Variants in MAGI2 observed in about 807,000 individuals in gnomAD.
MAGI2 encodes membrane-associated guanylate kinase, WW and PDZ domain-containing protein 2.
A neutral mutation model predicts 133.3 loss-of-function variants in MAGI2; 35 were observed. The ratio of observed to expected loss-of-function variants is 0.26; its 90% CI spans 0.20 to 0.35. The LOEUF (loss-of-function observed/expected upper bound fraction) is 0.35, where lower values mean the gene tolerates loss of function less well. Among genes scored for constraint, MAGI2 ranks in the 10% least tolerant of loss-of-function variants. MAGI2 has a pLI of 1.00. For missense variants in MAGI2, 1,636 were observed against 1,863.4 expected (o/e 0.88, Z 2.25); for synonymous variants, 729 against 710.6 (o/e 1.03, Z -0.41).
intron 2 of MAGI2, among the ~76,000 whole-genome samples, chr7:78,765,846 C>A (rs991947631): frequency 5.3e-5 from 8 of 151,762 alleles, no homozygotes; most frequent in Non-Finnish European, 1.0e-4. Context: ...GAAGAAAAAG[C>A]ATGAGAAGCC....
At chr7:78,152,619 A>G (rs984638787) in intron 16 of MAGI2, among the ~76,000 whole-genome samples, 1 of 152,252 alleles carries the variant, frequency 6.6e-6, no homozygotes, top group Non-Finnish European at 1.5e-5. Flanking sequence ...TTATATCAGC[A>G]TAGATGATGA....
intron 1 of MAGI2, among the ~76,000 whole-genome samples, chr7:79,304,856 C>T (rs1043787671): frequency 9.9e-5 from 15 of 152,152 alleles, no homozygotes; most frequent in South Asian, 2.1e-4. Context: ...TAGTCACACT[C>T]CTGTACACCT....
chr7:79,245,130 G>A (rs1832728271), intron 1 of MAGI2, among the ~76,000 whole-genome samples: 1 of 152,152 alleles, frequency 6.6e-6, no homozygotes, highest in Non-Finnish European at 1.5e-5. Context: ...TAATACCCAG[G>A]CAGTACTCAC....
chr7:78,129,731 G>A (rs556283295), intron 18 of MAGI2, among the ~76,000 whole-genome samples: 1 of 152,054 alleles, frequency 6.6e-6, no homozygotes, highest in South Asian at 2.1e-4. Context: ...GATCACCTGA[G>A]GTCGGGAGTT....
At chr7:78,980,715 A>C (rs1339177729) in intron 2 of MAGI2, among the ~76,000 whole-genome samples, 1 of 151,842 alleles carries the variant, frequency 6.6e-6, no homozygotes, top group Non-Finnish European at 1.5e-5. Flanking sequence ...GTATCCTCAC[A>C]TATCTTGCAA....
intron 9 of MAGI2, among the ~76,000 whole-genome samples, chr7:78,319,410 A>G (rs1373362863): frequency 1.3e-5 from 2 of 152,246 alleles, no homozygotes; most frequent in African/African-American, 4.8e-5. Flanking sequence ...GTGCAAAAGA[A>G]CAGAAATCAT....
intron 9 of MAGI2, among the ~76,000 whole-genome samples, chr7:78,313,620 C>T (rs1445380899): frequency 7.0e-6 from 1 of 142,932 alleles, no homozygotes; most frequent in Non-Finnish European, 1.5e-5. Context: ...AGGTACTTTG[C>T]TATTGGTACA....
At chr7:79,363,673 G>T (rs1842506534) in intron 1 of MAGI2, among the ~76,000 whole-genome samples, 1 of 144,048 alleles carries the variant, frequency 6.9e-6, no homozygotes, top group Non-Finnish European at 1.5e-5. Flanking sequence ...GACTCCAAAA[G>T]TACTGGCACA....
chr7:78,362,708 C>T (rs2151241034), intron 7 of MAGI2, among the ~76,000 whole-genome samples: 1 of 152,326 alleles, frequency 6.6e-6, no homozygotes, highest in South Asian at 2.1e-4. Flanking sequence ...AGGTAGGACA[C>T]TCAATATTTG....
chr7:78,821,266 A>G (rs932536715), intron 2 of MAGI2, among the ~76,000 whole-genome samples: 4 of 152,182 alleles, frequency 2.6e-5, no homozygotes, highest in African/African-American at 9.6e-5. Context: ...CATGCCTACT[A>G]TGTGCCAGGC....
chr7:79,200,673 A>G (rs1202502712), intron 1 of MAGI2, among the ~76,000 whole-genome samples: 1 of 151,834 alleles, frequency 6.6e-6, no homozygotes, highest in Non-Finnish European at 1.5e-5. Flanking sequence ...CAGTCTTGTG[A>G]AAGTGTTATC....
At chr7:78,296,115 A>G (rs996912828) in intron 9 of MAGI2, among the ~76,000 whole-genome samples, 7 of 152,130 alleles carry the variant, frequency 4.6e-5, no homozygotes, top group African/African-American at 1.4e-4. Flanking sequence ...TGCCCCAGAG[A>G]GTCCATTGTC....
intron 1 of MAGI2, among the ~76,000 whole-genome samples, chr7:79,127,343 T>A (rs1820515240): frequency 6.6e-6 from 1 of 152,102 alleles, no homozygotes; most frequent in Non-Finnish European, 1.5e-5. Context: ...TCAAATGGTA[T>A]TTCTAGTTCT....
intron 1 of MAGI2, among the ~76,000 whole-genome samples, chr7:79,276,011 T>A (rs1413896909): frequency 3.9e-5 from 6 of 152,142 alleles, no homozygotes; most frequent in African/African-American, 1.4e-4. Context: ...GAGATTAATG[T>A]TGTTTTCATG....
At chr7:79,000,369 A>G (rs1806736700) in intron 2 of MAGI2, 1 of 152,204 alleles carries the variant, frequency 6.6e-6, no homozygotes, top group South Asian at 2.1e-4. Context: ...ATTCATTCAT[A>G]TCCACAAAAA....
chr7:78,321,154 T>C (rs969942237), intron 9 of MAGI2, among the ~76,000 whole-genome samples: 2 of 152,184 alleles, frequency 1.3e-5, no homozygotes, highest in African/African-American at 2.4e-5. Context: ...TCTATACTCA[T>C]GGATAGGAAG....
chr7:78,309,096 A>C (rs1798476765), intron 9 of MAGI2, among the ~76,000 whole-genome samples: 1 of 152,246 alleles, frequency 6.6e-6, no homozygotes, highest in African/African-American at 2.4e-5. Flanking sequence ...GTGGGAATGT[A>C]AATCAGTTCA....
Position 78,092,459 on chromosome 7 carries a change from C to T in MAGI2, c.3568-13374G>A, listed in dbSNP as rs568009763. On this transcript the variant is annotated intron_variant, in intron 20 of 21. Transcript: ENST00000354212. ...TAAATTTTACAACTAGGAATGTAGC[C>T]GAGTGTCTAAAAATCTTGTTTCTGT... is the stretch of plus-strand genomic sequence containing the variant. 3.3e-5 allele frequency among the ~76,000 whole-genome samples: 5 copies of T among 152,206 alleles called. No individual in the cohort carries two copies. In the South Asian group the frequency reaches 6.2e-4, roughly 19 times the overall value.
intron 6 of MAGI2, among the ~76,000 whole-genome samples, chr7:78,447,768 A>T (rs565017398): frequency 1.9e-4 from 29 of 152,290 alleles, no homozygotes; most frequent in African/African-American, 6.7e-4. Flanking sequence ...AGGTACCTAA[A>T]GCCAACAGCC....
Sources: gnomAD v4.1 joint callset for allele counts (sites outside exome capture counted in the v4.1 genomes callset) on GRCh38, gnomAD v4.1.1 for gene constraint, MANE v1.5 for transcripts, NCBI Gene and HGNC (gene_info 2026-07-23, HGNC 2026-07-21) for gene names.